EIF1: variants seen among roughly 807,000 people sequenced by gnomAD.
The protein encoded by EIF1 is protein translation factor SUI1 homolog.
Under a neutral mutation model 13.7 loss-of-function variants are expected in EIF1, and 4 were observed. The ratio of observed to expected loss-of-function variants is 0.29; its 90% CI spans 0.14 to 0.67. The LOEUF (loss-of-function observed/expected upper bound fraction) is 0.67, where lower values mean the gene tolerates loss of function less well. Ranked by LOEUF, EIF1 falls within the 30% of genes least tolerant of loss-of-function variation. EIF1 has a pLI of 0.77. For synonymous variants in EIF1, 67 were observed against 50.7 expected (o/e 1.32, Z -1.37); for missense variants, 64 against 138.0 (o/e 0.46, Z 2.69).
rs937951717 is a variant in EIF1, at chr17:41,690,527, C to T, written c.298-255C>T. 6 of 564,324 alleles carry T rather than the reference C, an allele frequency of 1.1e-5. No individual in the cohort carries two copies. The Admixed American group carries it at 1.3e-4, about 13-fold the overall frequency. The allele number at this position is 564,324 out of a possible 1,614,324, so 35.0% of individuals were successfully genotyped here. A position where few individuals can be genotyped will look rare whatever the true frequency, so the allele number is the denominator to read the frequency against. On this transcript the variant is annotated intron_variant, in intron 3 of 3. Coordinates refer to ENST00000469257, the MANE Select transcript of EIF1 (RefSeq NM_005801.4). ...GAGTATTAATACTAAAATACTGTTA[C>T]ATGATCAGCTCTTGATATAATTGAA... is the stretch of plus-strand genomic sequence containing the variant.
intron 3 of EIF1, 194 bp from the exon 4 acceptor site, chr17:41,690,588 C>G (rs1910345093): frequency 5.0e-6 from 3 of 599,262 alleles, no homozygotes; most frequent in Non-Finnish European, 6.0e-6. Flanking sequence ...CATTCTCACA[C>G]TAATTCAGAA....
At chr17:41,689,310 A>G (rs1910294256) in intron 1 of EIF1, 1 of 593,494 alleles carries the variant, frequency 1.7e-6, no homozygotes, top group South Asian at 2.0e-5. Context: ...TGGCGCATTT[A>G]CTAATGGCTC....
chr17:41,689,228 C>A, intron 1 of EIF1, 159 bp downstream of exon 1: 2 of 839,238 alleles, frequency 2.4e-6, no homozygotes, highest in Non-Finnish European at 3.7e-6. Context: ...GCCTGGGCCC[C>A]GGGGTCGGAC....
intron 3 of EIF1, 55 bp downstream of exon 3, chr17:41,690,244 G>T (rs1340377123): frequency 6.8e-7 from 1 of 1,472,010 alleles, no homozygotes. Context: ...CTCAGATCCT[G>T]TCTGTTAGCT....
intron 1 of EIF1, chr17:41,689,321 C>G (rs962695149): frequency 3.4e-6 from 2 of 589,864 alleles, no homozygotes; most frequent in Non-Finnish European, 6.0e-6. Flanking sequence ...CTAATGGCTC[C>G]TGGGCCTCCT....
At position 41,688,976 on chromosome 17, in the gene EIF1, T is replaced by C. The variant is rs1468457257; in HGVS notation, c.-63T>C. ...GTTCCGTTCCCCCCTGCCCGCCTTC[T>C]CCCGCCACCGCCGCCGCCGCCTTCC... On this transcript the variant is annotated 5_prime_UTR_variant, in exon 1 of 4. Transcript: ENST00000469257. The C allele has an allele frequency of 4.4e-6, 7 of 1,583,724 alleles. No individual in the cohort carries two copies. The South Asian group carries it at 7.7e-5, about 18-fold the overall frequency.
At chr17:41,689,663 A>G (rs2143085220) in intron 1 of EIF1, 115 bp from the exon 2 acceptor site, 5 of 1,111,300 alleles carry the variant, frequency 4.5e-6, no homozygotes, top group East Asian at 2.5e-5. Flanking sequence ...GGCCTGGCCC[A>G]AGCCCTGACG....
At position 41,689,809 on chromosome 17, in the gene EIF1, C is replaced by T. The variant is rs1002623230; in HGVS notation, c.63C>T (p.Asp21=). The T allele has an allele frequency of 1.4e-5, 23 of 1,612,774 alleles. No individual in the cohort carries two copies. Among genetic ancestry groups the T allele is most frequent in the African/African-American group, 2.7e-5 (2 of 74,972 alleles). ...DPFADASKGD[D]LLPAGTEDYI... ...TTGCTGATGCAAGTAAGGGTGATGA[C>T]CTGCTTCCTGCTGGCACTGAGGATT... Residue 21 remains aspartate, a synonymous_variant, in exon 2 of 4, where the codon GAC becomes GAT. Coordinates refer to ENST00000469257, the MANE Select transcript of EIF1 (RefSeq NM_005801.4).
At position 41,692,014 on chromosome 17, in the gene EIF1, T is replaced by G. The variant is rs1910394333; in HGVS notation, c.*1188T>G. On this transcript the variant is annotated 3_prime_UTR_variant, in exon 4 of 4. Coordinates refer to ENST00000469257, the MANE Select transcript of EIF1 (RefSeq NM_005801.4). ...TTTCTCCATGTTGGCCAGGCTGGTC[T>G]TGAACACCTGGCCTCAAGTGATCTG... 1 of 152,280 alleles carries G rather than the reference T, an allele frequency of 6.6e-6. No individual in the cohort carries two copies. Among genetic ancestry groups the G allele is most frequent in the South Asian group, 2.1e-4 (1 of 4,834 alleles). The allele number at this position is 152,280 out of a possible 1,614,324, so 9.4% of individuals were successfully genotyped here.
chr17:41,690,500 CTGAG>C (rs1910341117), intron 3 of EIF1: 1 of 548,924 alleles, frequency 1.8e-6, no homozygotes, highest in African/African-American at 1.9e-5. Flanking sequence ...AATGAATTTC[CTGAG>C]TATTAATACT....
At chr17:41,689,150 A>G (rs1910288020) in intron 1 of EIF1, 81 bp downstream of exon 1, 3 of 1,510,388 alleles carry the variant, frequency 2.0e-6, no homozygotes, top group Non-Finnish European at 1.8e-6. Flanking sequence ...GAAGTTGCCA[A>G]GCGCTCCGGG....
At chr17:41,690,661 T>C in intron 3 of EIF1, 121 bp from the exon 4 acceptor site, 3 of 1,036,560 alleles carry the variant, frequency 2.9e-6, no homozygotes, top group South Asian at 2.8e-5. Flanking sequence ...TGTTGAACCA[T>C]TGTGCGCACC....
rs1910411051 is a variant in EIF1, at chr17:41,692,415, C to G, written c.*1589C>G. 6.6e-6 allele frequency: 1 copy of G among 152,180 alleles called. No individual in the cohort carries two copies. Among genetic ancestry groups the G allele is most frequent in the African/African-American group, 2.4e-5 (1 of 41,438 alleles). 9.4% of individuals were successfully genotyped at this position (152,180 alleles called of 1,614,324 possible). A position where few individuals can be genotyped will look rare whatever the true frequency, so the allele number is the denominator to read the frequency against. On this transcript the variant is annotated 3_prime_UTR_variant, in exon 4 of 4. Transcript: ENST00000469257. ...GGACAATGAATGGCAAGTAAAAGAC[C>G]AAGTTCTGTTCCTGGGTCCATTAAT...
rs542606748 is a variant in EIF1, at chr17:41,691,388, CAT to C, written c.*565_*566del. On this transcript the variant is annotated 3_prime_UTR_variant, in exon 4 of 4. Transcript: ENST00000469257. ...TGCCACAAAGGTCTGTTCGACCAGACATATCCTAGCTAAGGGATGTCCAAACA... is the reference window on the plus strand; with the variant it reads ...TGCCACAAAGGTCTGTTCGACCAGACATCCTAGCTAAGGGATGTCCAAACA... 54 of 162,178 alleles carry C rather than the reference CAT, an allele frequency of 3.3e-4. No individual in the cohort carries two copies. The highest frequency in any genetic ancestry group is 1.2e-3 in the African/African-American group (51 of 41,936). The allele number at this position is 162,178 out of a possible 1,614,324, so 10.0% of individuals were successfully genotyped here. A position where few individuals can be genotyped will look rare whatever the true frequency, so the allele number is the denominator to read the frequency against.
rs1458317504 is a variant in EIF1, at chr17:41,688,986, G to A, written c.-53G>A. 136 of 1,535,240 alleles carry A rather than the reference G, an allele frequency of 8.9e-5. No individual in the cohort carries two copies. The highest frequency in any genetic ancestry group is 1.6e-5 in the African/African-American group (1 of 60,856). On this transcript the variant is annotated 5_prime_UTR_variant, in exon 1 of 4. Transcript: ENST00000469257. ...CCCCTGCCCGCCTTCTCCCGCCACC[G>A]CCGCCGCCGCCTTCCGCAGGCCGTT... is the stretch of plus-strand genomic sequence containing the variant.
At position 41,691,973 on chromosome 17, in the gene EIF1, T is replaced by G. The variant is rs978641303; in HGVS notation, c.*1147T>G. ...ACCATGCCCAGCTAACTTTTGTATT[T>G]TTAGTAGAGACAGGGTTTCTCCATG... On this transcript the variant is annotated 3_prime_UTR_variant, in exon 4 of 4. Coordinates refer to ENST00000469257, the MANE Select transcript of EIF1 (RefSeq NM_005801.4). 6.6e-6 allele frequency: 1 copy of G among 152,202 alleles called. No homozygotes were observed. Among genetic ancestry groups the G allele is most frequent in the Non-Finnish European group, 1.5e-5 (1 of 68,060 alleles). 9.4% of individuals were successfully genotyped at this position (152,202 alleles called of 1,614,324 possible). A position where few individuals can be genotyped will look rare whatever the true frequency, so the allele number is the denominator to read the frequency against.
chr17:41,689,594 T>A (rs1910310023), intron 1 of EIF1, 184 bp from the exon 2 acceptor site: 1 of 542,902 alleles, frequency 1.8e-6, no homozygotes, highest in African/African-American at 1.9e-5. Context: ...TCCCCGAGCC[T>A]GGGGAAGCTG....
At chr17:41,690,024 G>A in intron 2 of EIF1, 64 bp from the exon 3 acceptor site, 1 of 1,610,104 alleles carries the variant, frequency 6.2e-7, no homozygotes, top group Non-Finnish European at 8.5e-7. Context: ...TATTGTTAGC[G>A]GAAGGGGTGA....
Position 41,690,083 on chromosome 17 carries a change from T to C in EIF1, c.196-5T>C, listed in dbSNP as rs751254385. 6.2e-7 allele frequency: 1 copy of C among 1,614,088 alleles called. No individual in the cohort carries two copies. Among genetic ancestry groups the C allele is most frequent in the Non-Finnish European group, 8.5e-7 (1 of 1,179,930 alleles). The stretch of plus-strand genomic sequence containing the variant: ...GGCCTAATTCGTTTTCCTTTGTGCT[T>C]GCAGAAGTTTGCCTGCAATGGTACT... On this transcript the variant is annotated splice_polypyrimidine_tract_variant and splice_region_variant and intron_variant, in intron 2 of 3. Coordinates refer to ENST00000469257, the MANE Select transcript of EIF1 (RefSeq NM_005801.4).
Sources: allele counts gnomAD v4.1 joint callset, GRCh38; gene constraint gnomAD v4.1.1; transcripts MANE v1.5; gene names NCBI Gene and HGNC (gene_info 2026-07-23, HGNC 2026-07-21).